Variants in DNAH10 observed in about 807,000 individuals in gnomAD.
DNAH10 encodes dynein axonemal heavy chain 10, also known as axonemal beta dynein heavy chain 10.
In DNAH10, 348 loss-of-function variants were observed where a neutral mutation model predicts 506.6. The observed-to-expected ratio is 0.69, with a 90% CI of 0.63 to 0.75. The LOEUF (loss-of-function observed/expected upper bound fraction) is 0.75. DNAH10 is among the 30% of genes least tolerant of loss of function. The pLI is 0.00. For synonymous variants in DNAH10, 2,059 were observed against 2,198.6 expected, an observed-to-expected ratio of 0.94 and a Z score of 1.78; for missense variants, 5,179 against 5,787.1, an observed-to-expected ratio of 0.89 and a Z score of 3.41.
intron 49 of DNAH10, 32 bp from the exon 50 acceptor site, chr12:123,879,602 G>C (rs535009090): frequency 1.9e-6 from 3 of 1,613,198 alleles, no homozygotes; most frequent in Non-Finnish European, 2.5e-6. Context: ...CTGTTGTTGA[G>C]TTTGGGTCCT....
chr12:123,779,604 GGAGA>G (rs33916907), intron 5 of DNAH10, among the ~76,000 whole-genome samples: 1 of 149,592 alleles, frequency 6.7e-6, no homozygotes, highest in African/African-American at 2.5e-5. Context: ...TGGGGGTGGG[GGAGA>G]GAGAGAGAGA....
rs763202687 is a variant in DNAH10 at position 123,861,124 on chromosome 12, A to G, written c.6862A>G (p.Asn2288Asp). 37 of 1,613,870 alleles carry G rather than the reference A, an allele frequency of 2.3e-5. No homozygotes were observed. The highest frequency in any genetic ancestry group is 3.3e-5 in the South Asian group (3 of 91,068). ...TRDWTDGVLS[N>D]IFREINKPTD... Reference sequence around the variant, plus strand: ...AGACTGGACAGATGGGGTGTTGTCAAACATCTTCAGGGAAATCAACAAGCC... The same window carrying G: ...AGACTGGACAGATGGGGTGTTGTCAGACATCTTCAGGGAAATCAACAAGCC... Residue 2288 changes from asparagine (N) to aspartate (D), a missense_variant, in exon 39 of 79, where the codon AAC (asparagine) becomes GAC (aspartate). Around this residue, in one of 3 missense-constraint regions of DNAH10, gnomAD observed 4,844 missense variants for 5,430.5 expected, o/e 0.89. Coordinates refer to ENST00000673944, the MANE Select transcript of DNAH10 (RefSeq NM_001372106.1).
chr12:123,795,815 G>T (rs903750837), intron 12 of DNAH10, among the ~76,000 whole-genome samples: 4 of 152,062 alleles, frequency 2.6e-5, no homozygotes, highest in African/African-American at 7.2e-5. Flanking sequence ...CACAGTTCTG[G>T]TGACTGTAGT....
Position 123,857,065 on chromosome 12 carries a change from C to A in DNAH10, c.6448C>A (p.Leu2150Met). ...GSSDLREDVV[L>M]MRALRDMNLP... ...GTTTCATTTCCTGCAGGACGTGGTG[C>A]TGATGAGGGCCTTGCGAGACATGAA... Residue 2150 changes from leucine (L) to methionine (M), a missense_variant, in exon 37 of 79, where the codon CTG becomes ATG. Leu to Met is a conservative substitution (Grantham distance 15, BLOSUM62 2). This residue lies in a region of DNAH10 where 4,844 missense variants were observed against 5,430.5 expected (regional missense o/e 0.89). Coordinates refer to ENST00000673944, the MANE Select transcript of DNAH10 (RefSeq NM_001372106.1). 1 of 1,609,224 alleles carries A rather than the reference C, an allele frequency of 6.2e-7. No individual in the cohort carries two copies. Among genetic ancestry groups the A allele is most frequent in the Non-Finnish European group, 8.5e-7 (1 of 1,177,832 alleles).
intron 11 of DNAH10, 29 bp downstream of exon 11, chr12:123,790,150 T>G: frequency 6.2e-7 from 1 of 1,602,836 alleles, no homozygotes; most frequent in Non-Finnish European, 8.5e-7. Flanking sequence ...GAGTCCATCT[T>G]GGGAGTCGAC....
intron 57 of DNAH10, among the ~76,000 whole-genome samples, chr12:123,904,190 T>TG (rs1304831319): frequency 6.6e-6 from 1 of 152,174 alleles, no homozygotes; most frequent in Non-Finnish European, 1.5e-5. Flanking sequence ...GGTGCTGCTG[T>TG]GGTCAGCAAG....
At chr12:123,822,827 A>C (rs976709461) in intron 24 of DNAH10, among the ~76,000 whole-genome samples, 1 of 152,202 alleles carries the variant, frequency 6.6e-6, no homozygotes, top group East Asian at 1.9e-4. Context: ...CAGAGGTTGC[A>C]TTCCACCTTC....
chr12:123,856,967 T>A (rs1197169582), intron 36 of DNAH10, 89 bp from the exon 37 acceptor site: 1 of 873,920 alleles, frequency 1.1e-6, no homozygotes, highest in Non-Finnish European at 1.6e-6. Context: ...TTATATTTCA[T>A]AAGAGTGTTA....
At chr12:123,896,985 C>T (rs1475062074) in intron 54 of DNAH10, among the ~76,000 whole-genome samples, 2 of 152,136 alleles carry the variant, frequency 1.3e-5, no homozygotes, top group Non-Finnish European at 2.9e-5. Context: ...ACTCCATACC[C>T]GTTAAACACG....
intron 16 of DNAH10, 62 bp from the exon 17 acceptor site, chr12:123,803,599 T>TG (rs1958550951): frequency 7.1e-7 from 1 of 1,415,010 alleles, no homozygotes. Flanking sequence ...CAGACGTTGG[T>TG]GGGGGGATGT....
intron 55 of DNAH10, 37 bp downstream of exon 55, chr12:123,898,004 T>C: frequency 6.6e-7 from 1 of 1,516,040 alleles, no homozygotes; most frequent in South Asian, 1.3e-5. Flanking sequence ...CAAAAGTCAT[T>C]ATTATTTATG....
intron 51 of DNAH10, among the ~76,000 whole-genome samples, chr12:123,886,457 C>T (rs779889170): frequency 9.9e-5 from 15 of 151,396 alleles, no homozygotes; most frequent in Non-Finnish European, 1.9e-4. Context: ...CAGAAGGCAT[C>T]CTGGTTGCGT....
chr12:123,898,941 T>G, intron 56 of DNAH10, 127 bp downstream of exon 56: 1 of 1,372,160 alleles, frequency 7.3e-7, no homozygotes. Context: ...CCTGTGAAAC[T>G]GCTTGTAGGC....
chr12:123,863,610 T>C (rs1348027784), intron 39 of DNAH10, among the ~76,000 whole-genome samples: 1 of 152,246 alleles, frequency 6.6e-6, no homozygotes, highest in Non-Finnish European at 1.5e-5. Context: ...CTTTGCCTCT[T>C]TCTTGGCCTT....
intron 24 of DNAH10, among the ~76,000 whole-genome samples, chr12:123,821,680 G>A (rs1376290956): frequency 6.6e-6 from 1 of 151,156 alleles, no homozygotes; most frequent in Non-Finnish European, 1.5e-5. Flanking sequence ...TTTTTTTTAT[G>A]TATTTTACTG....
At position 123,838,630 on chromosome 12, in the gene DNAH10, G is replaced by T; in HGVS notation, c.5077G>T (p.Glu1693Ter). 6.2e-7 allele frequency: 1 copy of T among 1,614,016 alleles called. No individual in the cohort carries two copies. The change falls in exon 29 of 79, where the codon GAG (glutamate) becomes TAG (stop). Residue 1693 changes from glutamate (E) to a stop codon, truncating the protein, a stop_gained. Transcript: ENST00000673944. LOFTEE classifies it high-confidence loss of function. ...AAGGTTCTTCTTCATTTCTGACGAT[G>T]AGTTGCTTAGCATTCTGGGGAGCAG... Reference protein sequence around the residue: ...FPRFFFISDDELLSILGSSDP... With the variant: ...FPRFFFISDD
At chr12:123,844,779 C>T (rs1950890575) in intron 30 of DNAH10, among the ~76,000 whole-genome samples, 1 of 152,154 alleles carries the variant, frequency 6.6e-6, no homozygotes, top group Non-Finnish European at 1.5e-5. Flanking sequence ...GCTGGGACCA[C>T]AGGCATGTAC....
chr12:123,791,420 G>A (rs1958076289), intron 11 of DNAH10, among the ~76,000 whole-genome samples: 1 of 152,112 alleles, frequency 6.6e-6, no homozygotes, highest in African/African-American at 2.4e-5. Context: ...TTACACAGTT[G>A]TTTTTATAAC....
Position 123,787,996 on chromosome 12 carries a change from T to C in DNAH10, c.1614T>C (p.Val538=). Residue 538 remains valine, a synonymous_variant, in exon 10 of 79, where the codon GTT becomes GTC. Transcript: ENST00000673944. The surrounding 1 kb of genome is among the most constrained non-coding windows in gnomAD (Gnocchi z 4.6). ...CCATCTGCCAGGACCTCTCCGACGTTCTGCAGGTAGGGGCTGGGCGAAGGC... is the reference window on the plus strand; with the variant it reads ...CCATCTGCCAGGACCTCTCCGACGTCCTGCAGGTAGGGGCTGGGCGAAGGC... ...MATICQDLSD[V]LQILEEFYNI... 1.3e-6 allele frequency: 2 copies of C among 1,566,542 alleles called. No homozygotes were observed. Among genetic ancestry groups the C allele is most frequent in the Non-Finnish European group, 1.7e-6 (2 of 1,155,074 alleles).
Sources: allele counts gnomAD v4.1 joint callset (sites outside exome capture counted in the v4.1 genomes callset), GRCh38; gene constraint gnomAD v4.1.1; regional missense constraint gnomAD v4.1.1; non-coding constraint Gnocchi (gnomAD v3.1); transcripts MANE v1.5; gene names NCBI Gene and HGNC (gene_info 2026-07-23, HGNC 2026-07-21).